The following EPHA6 variants were observed in gnomAD, a reference collection of about 807,000 sequenced individuals.
The protein encoded by EPHA6 is ephrin type-A receptor 6.
EPHA6 carries 50 observed loss-of-function variants against 112.0 expected under a neutral mutation model. That is an observed-to-expected ratio of 0.45 (90% confidence interval 0.36 to 0.56). The LOEUF (loss-of-function observed/expected upper bound fraction) is 0.56, where lower values mean the gene tolerates loss of function less well. Ranked by LOEUF, EPHA6 falls within the 20% of genes least tolerant of loss-of-function variation. The pLI, the probability that EPHA6 is intolerant of heterozygous loss-of-function variation, is 0.00. For synonymous variants in EPHA6, 529 were observed against 490.7 expected (o/e 1.08, Z -1.03); for missense variants, 1,280 against 1,417.4 (o/e 0.90, Z 1.56).
At chr3:97,579,747 A>G (rs1575954244) in intron 11 of EPHA6, among the ~76,000 whole-genome samples, 1 of 152,334 alleles carries the variant, frequency 6.6e-6, no homozygotes, top group African/African-American at 2.4e-5. Flanking sequence ...AAAGAGCATC[A>G]CTATCCTCTA....
chr3:96,966,140 A>G (rs1193894710), intron 2 of EPHA6, among the ~76,000 whole-genome samples: 1 of 152,146 alleles, frequency 6.6e-6, no homozygotes, highest in Non-Finnish European at 1.5e-5. Context: ...GTTTTAAAAT[A>G]AGTTTACTGA....
At chr3:97,469,225 A>T (rs2091152062) in intron 7 of EPHA6, among the ~76,000 whole-genome samples, 2 of 151,692 alleles carry the variant, frequency 1.3e-5, no homozygotes, top group Non-Finnish European at 1.5e-5. Flanking sequence ...TACACTTTGG[A>T]ATCTTGTGTC....
In EPHA6 at chr3:97,478,857, T is replaced by C. The variant is rs2091450325; in HGVS notation, c.2004-437T>C. On this transcript the variant is annotated intron_variant, in intron 8 of 17. Transcript: ENST00000389672. The stretch of plus-strand genomic sequence containing the variant: ...AGAGCATGGTTATCCAGAGGGAGAC[T>C]AGAACATGCCTCTACCAAATTCCAA... Among the ~76,000 whole-genome samples, 7 of 152,106 alleles carry C rather than the reference T, an allele frequency of 4.6e-5. No homozygotes were observed. In the South Asian group the frequency reaches 1.2e-3, roughly 27 times the overall value.
chr3:97,449,344 C>T (rs997087029), intron 7 of EPHA6, among the ~76,000 whole-genome samples: 4 of 152,044 alleles, frequency 2.6e-5, no homozygotes, highest in Non-Finnish European at 5.9e-5. Context: ...CTTCAGAAAT[C>T]CATCTTACTG....
intron 11 of EPHA6, among the ~76,000 whole-genome samples, chr3:97,550,854 A>G (rs2093019945): frequency 6.6e-6 from 1 of 152,118 alleles, no homozygotes; most frequent in African/African-American, 2.4e-5. Context: ...GATGAAGGAA[A>G]ATGTCAATAA....
intron 6 of EPHA6, among the ~76,000 whole-genome samples, chr3:97,434,364 GA>G (rs901002022): frequency 6.6e-5 from 10 of 152,050 alleles, no homozygotes; most frequent in South Asian, 4.1e-4. Flanking sequence ...TAAGCAGTAT[GA>G]AAGTGTTCAT....
At chr3:97,220,186 C>G (rs2078150410) in intron 3 of EPHA6, among the ~76,000 whole-genome samples, 1 of 152,190 alleles carries the variant, frequency 6.6e-6, no homozygotes, top group Admixed American at 6.5e-5. Flanking sequence ...AGTCATTCAA[C>G]AAACTTCTAG....
At chr3:97,613,949 T>G (rs1044067589) in intron 13 of EPHA6, among the ~76,000 whole-genome samples, 1 of 152,150 alleles carries the variant, frequency 6.6e-6, no homozygotes, top group African/African-American at 2.4e-5. Context: ...ACATTTGGAT[T>G]TCATAAATAC....
chr3:97,138,350 C>G (rs2075814457), intron 3 of EPHA6, among the ~76,000 whole-genome samples: 1 of 152,220 alleles, frequency 6.6e-6, no homozygotes, highest in African/African-American at 2.4e-5. Flanking sequence ...GCTGCTGTAT[C>G]TGCCAGGCTG....
intron 3 of EPHA6, among the ~76,000 whole-genome samples, chr3:97,168,267 C>G (rs958494087): frequency 6.6e-6 from 1 of 152,138 alleles, no homozygotes; most frequent in Non-Finnish European, 1.5e-5. Flanking sequence ...TCTAACTCTA[C>G]AGTTATTTAT....
chr3:96,977,123 C>A (rs961758485), intron 2 of EPHA6, among the ~76,000 whole-genome samples: 1 of 152,012 alleles, frequency 6.6e-6, no homozygotes, highest in Non-Finnish European at 1.5e-5. Flanking sequence ...TCTTAGGAGT[C>A]CAAGTATTTT....
chr3:96,868,786 T>C (rs747270564), intron 2 of EPHA6, among the ~76,000 whole-genome samples: 3 of 152,022 alleles, frequency 2.0e-5, no homozygotes, highest in Non-Finnish European at 2.9e-5. Context: ...AGAATTGACA[T>C]TTTTGAAATT....
intron 16 of EPHA6, among the ~76,000 whole-genome samples, chr3:97,740,543 T>C (rs1006299551): frequency 2.6e-5 from 4 of 152,140 alleles, no homozygotes; most frequent in African/African-American, 9.7e-5. Flanking sequence ...CAACTGCAAC[T>C]ACCAGCTTCT....
intron 14 of EPHA6, among the ~76,000 whole-genome samples, chr3:97,699,319 T>G (rs1177941906): frequency 6.6e-6 from 1 of 152,226 alleles, no homozygotes; most frequent in African/African-American, 2.4e-5. Flanking sequence ...CTACATAGTG[T>G]TCAGCAGAGA....
intron 9 of EPHA6, among the ~76,000 whole-genome samples, chr3:97,480,243 TA>T (rs2091493298): frequency 3.3e-5 from 5 of 152,086 alleles, no homozygotes; most frequent in African/African-American, 9.6e-5. Context: ...TTATTTTTTT[TA>T]GTATTTATTG....
chr3:97,479,048 G>A (rs1259475547), intron 8 of EPHA6, among the ~76,000 whole-genome samples: 2 of 151,966 alleles, frequency 1.3e-5, no homozygotes, highest in Admixed American at 6.6e-5. Context: ...GATGGTTATG[G>A]CAGATTATTA....
At chr3:97,082,737 C>A (rs573057239) in intron 3 of EPHA6, among the ~76,000 whole-genome samples, 1 of 151,836 alleles carries the variant, frequency 6.6e-6, no homozygotes, top group African/African-American at 2.4e-5. Context: ...AAAATACCCA[C>A]GAGTATTTAG....
rs2076889070 is a variant in EPHA6 at position 97,178,149 on chromosome 3, A to G, written c.1115-48115A>G. Among the ~76,000 whole-genome samples the G allele has an allele frequency of 2.0e-5, 3 of 152,036 alleles. No homozygotes were observed. In the South Asian group the frequency reaches 6.2e-4, roughly 31 times the overall value. On this transcript the variant is annotated intron_variant, in intron 3 of 17. Transcript: ENST00000389672. ...AGTTACCATTAGGCTTGCAAATACTATCTCATAACCCACTATTGTAACCTT... is the reference window on the plus strand; with the variant it reads ...AGTTACCATTAGGCTTGCAAATACTGTCTCATAACCCACTATTGTAACCTT...
intron 13 of EPHA6, among the ~76,000 whole-genome samples, chr3:97,631,839 C>T (rs1195862050): frequency 6.6e-6 from 1 of 151,932 alleles, no homozygotes; most frequent in Non-Finnish European, 1.5e-5. Flanking sequence ...GAGTTATCTG[C>T]TTTAATAATG....
Sources: gnomAD v4.1 joint callset for allele counts (sites outside exome capture counted in the v4.1 genomes callset) on GRCh38, gnomAD v4.1.1 for gene constraint, MANE v1.5 for transcripts, NCBI Gene and HGNC (gene_info 2026-07-23, HGNC 2026-07-21) for gene names.